The following IGBP1C variants were observed in gnomAD, a reference collection of about 807,000 sequenced individuals.
The protein encoded by IGBP1C is immunoglobulin-binding protein 1 family member C.
the IGBP1C span, chr17:58,661,125 C>A: frequency 4.5e-6 from 4 of 891,872 alleles, no homozygotes; most frequent in Non-Finnish European, 7.7e-6. Flanking sequence ...TCTATTTTAG[C>A]CTGTCTTTGA....
At chr17:58,665,978 G>A in the IGBP1C span, among the ~76,000 whole-genome samples, 1 of 151,854 alleles carries the variant, frequency 6.6e-6, no homozygotes, top group Non-Finnish European at 1.5e-5. Context: ...CAACCTAGGA[G>A]GCGGAGGTTG....
chr17:58,674,317 C>T, the IGBP1C span, among the ~76,000 whole-genome samples: 3 of 150,870 alleles, frequency 2.0e-5, no homozygotes, highest in Non-Finnish European at 1.5e-5. Flanking sequence ...GAATTGAGAA[C>T]CACAAACTAA....
At chr17:58,683,762 C>CAAAAAA in the IGBP1C span, among the ~76,000 whole-genome samples, 1 of 75,700 alleles carries the variant, frequency 1.3e-5, no homozygotes. Context: ...GACTCCAGCT[C>CAAAAAA]AAAAAAAAAA....
the IGBP1C span, among the ~76,000 whole-genome samples, chr17:58,670,951 T>C: frequency 6.6e-6 from 1 of 152,144 alleles, no homozygotes; most frequent in Non-Finnish European, 1.5e-5. Flanking sequence ...AAACAACGTG[T>C]ACACAATAAA....
the IGBP1C span, among the ~76,000 whole-genome samples, chr17:58,691,598 C>T: frequency 1.5e-4 from 21 of 139,190 alleles, no homozygotes; most frequent in Admixed American, 1.3e-3. Context: ...ACCCGGGAGG[C>T]GAAGGTTGCA....
chr17:58,662,355 CAGG>C, the IGBP1C span, among the ~76,000 whole-genome samples: 2 of 151,134 alleles, frequency 1.3e-5, no homozygotes, highest in Non-Finnish European at 3.0e-5. Flanking sequence ...GAGGCTGAGG[CAGG>C]AGAATTGCTT....
the IGBP1C span, among the ~76,000 whole-genome samples, chr17:58,680,913 A>G: frequency 6.6e-6 from 1 of 152,178 alleles, no homozygotes; most frequent in Non-Finnish European, 1.5e-5. Flanking sequence ...GCCAGAGTTT[A>G]TAACTTTTTT....
the IGBP1C span, among the ~76,000 whole-genome samples, chr17:58,662,890 C>T: frequency 1.3e-5 from 2 of 151,928 alleles, no homozygotes; most frequent in African/African-American, 2.4e-5. Flanking sequence ...AAGGCTGAGA[C>T]GGGTGGATCA....
At chr17:58,684,318 G>A in the IGBP1C span, among the ~76,000 whole-genome samples, 1 of 151,712 alleles carries the variant, frequency 6.6e-6, no homozygotes, top group South Asian at 2.1e-4. Context: ...AAAAATTAGT[G>A]AGGCATGGTG....
At chr17:58,670,970 A>G in the IGBP1C span, among the ~76,000 whole-genome samples, 2 of 152,100 alleles carry the variant, frequency 1.3e-5, no homozygotes, top group African/African-American at 2.4e-5. Flanking sequence ...AATATATACA[A>G]TTGGGACACT....
the IGBP1C span, chr17:58,677,791 A>C: frequency 1.3e-5 from 2 of 152,222 alleles, no homozygotes; most frequent in Admixed American, 6.5e-5. Context: ...CACTCTTCAC[A>C]TAGGGTCACT....
chr17:58,666,156 A>G, the IGBP1C span, among the ~76,000 whole-genome samples: 3 of 152,118 alleles, frequency 2.0e-5, no homozygotes, highest in Non-Finnish European at 2.9e-5. Context: ...CAGCCTTGCC[A>G]ACATGGTAAG....
At chr17:58,674,832 G>A in the IGBP1C span, among the ~76,000 whole-genome samples, 1 of 149,100 alleles carries the variant, frequency 6.7e-6, no homozygotes, top group Admixed American at 6.7e-5. Context: ...CTTCGATGAG[G>A]CCTTTGGAAA....
chr17:58,667,338 C>G, the IGBP1C span, among the ~76,000 whole-genome samples: 1 of 152,168 alleles, frequency 6.6e-6, no homozygotes, highest in Non-Finnish European at 1.5e-5. Context: ...GTTTGTAAAA[C>G]CTGCATTACT....
At chr17:58,663,000 C>T in the IGBP1C span, among the ~76,000 whole-genome samples, 6 of 150,546 alleles carry the variant, frequency 4.0e-5, no homozygotes, top group South Asian at 4.2e-4. Flanking sequence ...CCCAGCCACT[C>T]GGAGAGGCTG....
the IGBP1C span, chr17:58,679,528 G>A: frequency 6.6e-6 from 1 of 152,194 alleles, no homozygotes; most frequent in Admixed American, 6.6e-5. Context: ...AGCCAGATCA[G>A]GGGAGAGAAC....
At chr17:58,679,670 T>C in the IGBP1C span, 1 of 152,226 alleles carries the variant, frequency 6.6e-6, no homozygotes, top group Non-Finnish European at 1.5e-5. Context: ...GATCATGTTA[T>C]TTCCCTTGCC....
At chr17:58,662,413 TCTCACACACACACA>T in the IGBP1C span, among the ~76,000 whole-genome samples, 6 of 127,674 alleles carry the variant, frequency 4.7e-5, no homozygotes, top group Non-Finnish European at 8.0e-5. Flanking sequence ...AGCACACATA[TCTCACACACACACA>T]CACACACACA....
chr17:58,674,100 C>G, the IGBP1C span, among the ~76,000 whole-genome samples: 1 of 151,802 alleles, frequency 6.6e-6, no homozygotes, highest in Non-Finnish European at 1.5e-5. Flanking sequence ...ATGGTGAAAC[C>G]CCATCTCTAC....
Sources: gnomAD v4.1 joint callset for allele counts (sites outside exome capture counted in the v4.1 genomes callset) on GRCh38, gnomAD v4.1.1 for gene constraint, MANE v1.5 for transcripts, NCBI Gene and HGNC (gene_info 2026-07-23, HGNC 2026-07-21) for gene names.